The following SAXO5 variants were observed in gnomAD, a reference collection of about 807,000 sequenced individuals.
SAXO5 encodes the protein stabilizer of axonemal microtubules 5, also known as testis expressed 45.
chr19:7,506,468 T>G, the SAXO5 span: 1 of 432,190 alleles, frequency 2.3e-6, no homozygotes, highest in Non-Finnish European at 4.3e-6. Context: ...CATAACTCCA[T>G]CCTTCTGGAC....
chr19:7,507,581 A>G, the SAXO5 span, among the ~76,000 whole-genome samples: 1 of 135,408 alleles, frequency 7.4e-6, no homozygotes, highest in South Asian at 2.3e-4. Context: ...CTCTGCCTCA[A>G]AAAAAGGAAA....
At chr19:7,506,248 C>A in the SAXO5 span, 1 of 616,446 alleles carries the variant, frequency 1.6e-6, no homozygotes. Flanking sequence ...CATGGAGCCC[C>A]TCCCCATGGA....
the SAXO5 span, chr19:7,505,876 A>G: frequency 6.1e-6 from 8 of 1,321,758 alleles, no homozygotes; most frequent in Admixed American, 2.3e-5. Flanking sequence ...GAGCTGTCCA[A>G]GGTCACACAG....
chr19:7,506,787 G>C, the SAXO5 span: 1 of 446,016 alleles, frequency 2.2e-6, no homozygotes, highest in Non-Finnish European at 4.1e-6. Context: ...TCCTCCCCTG[G>C]CTCCTTCCTC....
chr19:7,499,932 TTG>T, the SAXO5 span: 1,754 of 108,778 alleles, frequency 0.016, 30 homozygotes, highest in African/African-American at 0.045. Context: ...CTTGTCTAAT[TTG>T]TGTGTGTGTG....
the SAXO5 span, among the ~76,000 whole-genome samples, chr19:7,507,679 A>C: frequency 6.6e-6 from 1 of 151,850 alleles, no homozygotes; most frequent in Non-Finnish European, 1.5e-5. Flanking sequence ...CCACTGTTAT[A>C]CCCAAGACGA....
the SAXO5 span, chr19:7,506,270 A>G: frequency 2.4e-6 from 2 of 846,078 alleles, no homozygotes; most frequent in South Asian, 3.5e-5. Context: ...CCCCGCCCCC[A>G]CGGAGCCCCG....
chr19:7,498,285 A>C, the SAXO5 span, among the ~76,000 whole-genome samples: 2 of 150,926 alleles, frequency 1.3e-5, no homozygotes, highest in African/African-American at 4.9e-5. Context: ...GTCTCGGATC[A>C]CTGCAACCTC....
the SAXO5 span, chr19:7,500,923 T>C: frequency 6.3e-7 from 1 of 1,584,058 alleles, no homozygotes; most frequent in Non-Finnish European, 8.5e-7. Flanking sequence ...GACCTGCGGC[T>C]GCACGAGGGC....
chr19:7,499,275 G>A, the SAXO5 span, among the ~76,000 whole-genome samples: 1 of 150,588 alleles, frequency 6.6e-6, no homozygotes, highest in African/African-American at 2.4e-5. Flanking sequence ...TCGTGCCACT[G>A]TACTCCAGCC....
chr19:7,502,046 C>T, the SAXO5 span, among the ~76,000 whole-genome samples: 1 of 151,882 alleles, frequency 6.6e-6, no homozygotes, highest in South Asian at 2.1e-4. Flanking sequence ...GGAGACCAGC[C>T]TGGGCAACAT....
chr19:7,506,938 G>A, the SAXO5 span: 8 of 757,022 alleles, frequency 1.1e-5, no homozygotes, highest in East Asian at 5.3e-5. Context: ...TTTCTCCCCT[G>A]GTCAACTTCA....
chr19:7,506,967 C>A, the SAXO5 span: 1 of 1,077,334 alleles, frequency 9.3e-7, no homozygotes, highest in Non-Finnish European at 1.4e-6. Context: ...CTGGGCTTGG[C>A]TCTTGAACCC....
the SAXO5 span, chr19:7,508,170 G>A: frequency 3.1e-6 from 5 of 1,589,262 alleles, no homozygotes; most frequent in Admixed American, 6.8e-5. Flanking sequence ...CCACCTCCCA[G>A]GCTGCCCTGC....
the SAXO5 span, chr19:7,507,191 GT>G: frequency 6.7e-7 from 1 of 1,488,858 alleles, no homozygotes; most frequent in Admixed American, 1.7e-5. Context: ...CCCCACATTG[GT>G]GTAGAGTTAT....
chr19:7,498,483 G>A, the SAXO5 span, among the ~76,000 whole-genome samples: 1 of 143,658 alleles, frequency 7.0e-6, no homozygotes, highest in Non-Finnish European at 1.5e-5. Flanking sequence ...CACGACTTCT[G>A]CCTCCTGGGT....
At chr19:7,505,571 A>T in the SAXO5 span, 14 of 1,614,216 alleles carry the variant, frequency 8.7e-6, no homozygotes, top group Non-Finnish European at 1.2e-5. Flanking sequence ...CTGAAAGGAA[A>T]TTGGTGCCCC....
At chr19:7,501,538 G>A in the SAXO5 span, 120 of 1,045,968 alleles carry the variant, frequency 1.1e-4, no homozygotes, top group Non-Finnish European at 1.4e-4. Flanking sequence ...GACTTGGGGG[G>A]TGGCCGGGCG....
the SAXO5 span, chr19:7,505,384 C>T: frequency 1.2e-6 from 2 of 1,614,222 alleles, no homozygotes; most frequent in East Asian, 4.5e-5. Context: ...CTGGTGACGG[C>T]CTCTTCCGCG....
Sources: gnomAD v4.1 joint callset for allele counts (sites outside exome capture counted in the v4.1 genomes callset) on GRCh38, gnomAD v4.1.1 for gene constraint, MANE v1.5 for transcripts, NCBI Gene and HGNC (gene_info 2026-07-23, HGNC 2026-07-21) for gene names.